NCKAP5: variants seen among roughly 807,000 people sequenced by gnomAD.
The protein encoded by NCKAP5 is NCK associated protein 5.
In NCKAP5, 92 loss-of-function variants were observed where a neutral mutation model predicts 167.0. That is an observed-to-expected ratio of 0.55 (90% CI 0.47 to 0.66). The LOEUF is 0.66. NCKAP5 is among the 30% of genes least tolerant of loss of function. The pLI, the probability that NCKAP5 is intolerant of heterozygous loss-of-function variation, is 0.00. For synonymous variants in NCKAP5, 891 were observed against 877.4 expected (o/e 1.02, Z -0.27); for missense variants, 2,378 against 2,315.0 (o/e 1.03, Z -0.56).
chr2:132,699,918 A>G (rs78951391), intron 19 of NCKAP5, among the ~76,000 whole-genome samples: 61,145 of 152,072 alleles, frequency 0.4, 14,083 homozygotes, highest in East Asian at 0.55. Flanking sequence ...GACTTCCACA[A>G]TGGTTGAACT....
intron 7 of NCKAP5, among the ~76,000 whole-genome samples, chr2:132,993,222 C>A (rs1370658563): frequency 6.6e-6 from 1 of 152,210 alleles, no homozygotes; most frequent in Non-Finnish European, 1.5e-5. Context: ...GCTTTTCATA[C>A]ATAGTTGTGC....
intron 7 of NCKAP5, among the ~76,000 whole-genome samples, chr2:132,993,231 G>A (rs2077496537): frequency 6.6e-6 from 1 of 152,164 alleles, no homozygotes; most frequent in Non-Finnish European, 1.5e-5. Flanking sequence ...ACATAGTTGT[G>A]CAGTGGATGC....
the NCKAP5 span, among the ~76,000 whole-genome samples, chr2:133,609,682 AAAT>A: frequency 6.6e-6 from 1 of 152,106 alleles, no homozygotes; most frequent in Non-Finnish European, 1.5e-5. Flanking sequence ...CATCTCCACC[AAAT>A]GGCTTGGGTT....
At chr2:132,884,218 C>T (rs189661012) in intron 8 of NCKAP5, among the ~76,000 whole-genome samples, 33 of 152,362 alleles carry the variant, frequency 2.2e-4, no homozygotes, top group African/African-American at 7.7e-4. Context: ...ATCTGCCACA[C>T]AGCACGATCC....
At chr2:133,137,438 G>A (rs867947266) in intron 5 of NCKAP5, among the ~76,000 whole-genome samples, 1 of 141,300 alleles carries the variant, frequency 7.1e-6, no homozygotes, top group Admixed American at 7.6e-5. Context: ...GTGTGTGTGT[G>A]TGTGTGTGTG....
chr2:133,538,608 T>A (rs143370609), intron 2 of NCKAP5, among the ~76,000 whole-genome samples: 1 of 152,104 alleles, frequency 6.6e-6, no homozygotes, highest in Admixed American at 6.5e-5. Context: ...CCTACTGACT[T>A]CTGTGTCCAG....
intron 3 of NCKAP5, among the ~76,000 whole-genome samples, chr2:133,488,531 T>G (rs1229281107): frequency 6.6e-6 from 1 of 152,150 alleles, no homozygotes; most frequent in Non-Finnish European, 1.5e-5. Context: ...TCTAGGCATA[T>G]GGAGTGTTTC....
At chr2:132,904,091 A>T (rs1250808436) in intron 8 of NCKAP5, among the ~76,000 whole-genome samples, 1 of 152,026 alleles carries the variant, frequency 6.6e-6, no homozygotes. Flanking sequence ...GATCGAGACC[A>T]TCTTGGCTAA....
chr2:132,687,557 A>G (rs1294993954), intron 19 of NCKAP5, among the ~76,000 whole-genome samples: 2 of 152,152 alleles, frequency 1.3e-5, no homozygotes, highest in Non-Finnish European at 1.5e-5. Context: ...TCAGTGGTAA[A>G]GAAGTTACTG....
At chr2:133,252,528 G>C (rs756024897) in intron 4 of NCKAP5, among the ~76,000 whole-genome samples, 2 of 152,188 alleles carry the variant, frequency 1.3e-5, no homozygotes, top group Non-Finnish European at 2.9e-5. Context: ...TGTCAGATCA[G>C]ACCACGAGAG....
chr2:133,061,905 G>C (rs1011826840), intron 6 of NCKAP5, among the ~76,000 whole-genome samples: 5 of 151,894 alleles, frequency 3.3e-5, no homozygotes, highest in African/African-American at 1.2e-4. Flanking sequence ...CAACCACTAG[G>C]TTTCATTTAA....
intron 16 of NCKAP5, among the ~76,000 whole-genome samples, chr2:132,762,146 A>G (rs1170994149): frequency 6.6e-6 from 1 of 152,238 alleles, no homozygotes; most frequent in African/African-American, 2.4e-5. Flanking sequence ...AATAGCGACC[A>G]TCACACTTAA....
intron 3 of NCKAP5, among the ~76,000 whole-genome samples, chr2:133,426,981 G>C (rs1689850736): frequency 6.6e-6 from 1 of 152,174 alleles, no homozygotes; most frequent in South Asian, 2.1e-4. Flanking sequence ...TGGGAGGGTA[G>C]CCAGGAAAGG....
Position 133,213,636 on chromosome 2 carries a change from T to C in NCKAP5, c.207+80A>G, listed in dbSNP as rs1371404705. 5.1e-6 allele frequency: 7 copies of C among 1,371,746 alleles called. No homozygotes were observed. In the African/African-American group the frequency reaches 1.0e-4, roughly 20 times the overall value. 85.0% of individuals were successfully genotyped at this position (1,371,746 alleles called of 1,614,324 possible). A position where few individuals can be genotyped will look rare whatever the true frequency, so the allele number is the denominator to read the frequency against. On this transcript the variant is annotated intron_variant, in intron 5 of 19. Transcript: ENST00000409261. The stretch of plus-strand genomic sequence containing the variant: ...GCTGCAAGCAAATATTTTCCTTAGA[T>C]ATCCTTAATGAGGCAAAGTAGCTTT...
At chr2:133,106,203 C>A (rs6731752) in intron 6 of NCKAP5, among the ~76,000 whole-genome samples, 4 of 120,424 alleles carry the variant, frequency 3.3e-5, no homozygotes, top group African/African-American at 1.2e-4. Flanking sequence ...TGAGGAAGGA[C>A]AATGGTGTGA....
intron 7 of NCKAP5, among the ~76,000 whole-genome samples, chr2:132,982,889 A>T (rs1317132098): frequency 1.3e-5 from 2 of 152,162 alleles, no homozygotes; most frequent in Admixed American, 1.3e-4. Context: ...GTGTATATAT[A>T]CAACATTTTC....
intron 6 of NCKAP5, among the ~76,000 whole-genome samples, chr2:133,037,620 T>TCC (rs1485641641): frequency 6.6e-6 from 1 of 152,186 alleles, no homozygotes; most frequent in Admixed American, 6.5e-5. Flanking sequence ...ACTAGATTCC[T>TCC]ATCTTTCACC....
intron 6 of NCKAP5, among the ~76,000 whole-genome samples, chr2:133,083,158 G>C (rs1320470453): frequency 6.6e-6 from 1 of 152,108 alleles, no homozygotes; most frequent in Non-Finnish European, 1.5e-5. Context: ...TTTGACAGTT[G>C]CTCAGATTCG....
chr2:132,762,622 G>A (rs749344857), intron 16 of NCKAP5, among the ~76,000 whole-genome samples: 20 of 152,120 alleles, frequency 1.3e-4, no homozygotes, highest in Admixed American at 8.5e-4. Flanking sequence ...ACGCCACCTC[G>A]TAGGGCTGCA....
Sources: allele counts gnomAD v4.1 joint callset (sites outside exome capture counted in the v4.1 genomes callset), GRCh38; gene constraint gnomAD v4.1.1; transcripts MANE v1.5; gene names NCBI Gene and HGNC (gene_info 2026-07-23, HGNC 2026-07-21).